UBAP2: variants seen among roughly 807,000 people sequenced by gnomAD.
UBAP2 encodes ubiquitin associated protein 2.
A neutral mutation model predicts 139.6 loss-of-function variants in UBAP2; 75 were observed. That is an observed-to-expected ratio of 0.54 (90% CI 0.45 to 0.65). The LOEUF is 0.65. Among genes scored for constraint, UBAP2 ranks in the 30% least tolerant of loss-of-function variants. The probability of loss-of-function intolerance (pLI) is 0.00; values close to 1 mark genes in which losing one functional copy is unlikely to be tolerated. For synonymous variants in UBAP2, 526 were observed against 526.2 expected (o/e 1.00, Z 0.01); for missense variants, 1,368 against 1,369.6 (o/e 1.00, Z 0.02).
chr9:33,976,111 G>GTATTA (rs1255013472), intron 6 of UBAP2, among the ~76,000 whole-genome samples: 2 of 152,046 alleles, frequency 1.3e-5, no homozygotes, highest in Non-Finnish European at 2.9e-5. Flanking sequence ...TCACACAGAG[G>GTATTA]TATTACTGTG....
At chr9:33,942,006 T>C (rs900632905) in intron 15 of UBAP2, 144 bp from the exon 16 acceptor site, 17 of 627,696 alleles carry the variant, frequency 2.7e-5, no homozygotes, top group Admixed American at 1.4e-4. Flanking sequence ...AACTGAGAGA[T>C]AGGGGGACAT....
At chr9:33,952,299 C>T (rs889166777) in intron 12 of UBAP2, among the ~76,000 whole-genome samples, 1 of 152,190 alleles carries the variant, frequency 6.6e-6, no homozygotes, top group African/African-American at 2.4e-5. Flanking sequence ...AAGCAACATT[C>T]TTGTATAAGC....
intron 19 of UBAP2, among the ~76,000 whole-genome samples, chr9:33,931,933 TTAAG>T (rs1824019467): frequency 6.6e-6 from 1 of 152,102 alleles, no homozygotes; most frequent in Non-Finnish European, 1.5e-5. Context: ...CCAGCCTCTC[TTAAG>T]TTTTCATTGC....
At chr9:33,942,276 C>T (rs562381076) in intron 15 of UBAP2, among the ~76,000 whole-genome samples, 251 of 152,098 alleles carry the variant, frequency 1.7e-3, no homozygotes, top group Non-Finnish European at 2.6e-3. Flanking sequence ...CGCGCCACTG[C>T]ACTCCAGCCT....
At position 33,923,253 on chromosome 9, in the gene UBAP2, G is replaced by A; in HGVS notation, c.2937C>T (p.Tyr979=). The A allele has an allele frequency of 6.2e-7, 1 of 1,614,232 alleles. No individual in the cohort carries two copies. The highest frequency in any genetic ancestry group is 8.5e-7 in the Non-Finnish European group (1 of 1,180,028). Reference sequence around the variant, plus strand: ...ATGATCCAGCATAGCCACCTTTGGAGTAGTCTCCTGCTGCTGTCCCCTGGG... The same window carrying A: ...ATGATCCAGCATAGCCACCTTTGGAATAGTCTCCTGCTGCTGTCCCCTGGG... ...DLTQGTAAGD[Y]SKGGYAGSSQ... The change falls in exon 26 of 29, where the codon TAC becomes TAT. Residue 979 remains tyrosine (Y), a synonymous_variant. Coordinates refer to ENST00000379238, the MANE Select transcript of UBAP2 (RefSeq NM_001370062.2).
rs1360865905 is a variant in UBAP2, at chr9:33,971,677, G to A, written c.653C>T (p.Ala218Val). ...CGTKLVVWEAAQNGADEGTEL... is the reference protein window; with the variant it reads ...CGTKLVVWEAVQNGADEGTEL... ...AGTTCCCTCATCTGCACCATTCTGA[G>A]CAGCTTCCCAAACTACTAGCTTTGT... is the stretch of plus-strand genomic sequence containing the variant. The change falls in exon 8 of 29, where the codon GCT becomes GTT. Residue 218 changes from alanine to valine, a missense_variant. Transcript: ENST00000379238. 6.2e-7 allele frequency: 1 copy of A among 1,611,510 alleles called. No individual in the cohort carries two copies. Among genetic ancestry groups the A allele is most frequent in the South Asian group, 1.1e-5 (1 of 91,036 alleles).
intron 11 of UBAP2, among the ~76,000 whole-genome samples, chr9:33,954,993 C>T (rs1826427644): frequency 6.6e-6 from 1 of 152,124 alleles, no homozygotes; most frequent in African/African-American, 2.4e-5. Flanking sequence ...AATAAATGCT[C>T]TTCAGTCATT....
intron 17 of UBAP2, among the ~76,000 whole-genome samples, chr9:33,934,847 A>T (rs1392498495): frequency 6.6e-6 from 1 of 152,204 alleles, no homozygotes; most frequent in Admixed American, 6.5e-5. Context: ...TCATCCAACA[A>T]GCTCAGAACG....
rs535100790 is a variant in UBAP2 at position 33,966,470 on chromosome 9, T to TA, written c.680-2680dup. On this transcript the variant is annotated intron_variant, in intron 8 of 28. Transcript: ENST00000379238. ...GACTCCATCTCGAAAAAAAATAAAA[T>TA]AAAAAAAAGAATCAAGTTGTCAAAA... 2.2e-3 allele frequency among the ~76,000 whole-genome samples: 337 copies of TA among 151,254 alleles called. 1 individual carries two copies. The highest frequency in any genetic ancestry group is 7.5e-3 in the African/African-American group (309 of 41,228).
chr9:34,016,266 GGAAGAGAAGGAGGAA>G (rs1336238027), intron 2 of UBAP2, among the ~76,000 whole-genome samples: 4 of 29,308 alleles, frequency 1.4e-4, no homozygotes, highest in Non-Finnish European at 2.6e-4. Flanking sequence ...AGGAAGAGGA[GGAAGAGAAGGAGGAA>G]GAGGAGGAGG....
At chr9:34,025,384 T>A (rs529059203) in intron 1 of UBAP2, among the ~76,000 whole-genome samples, 25 of 152,226 alleles carry the variant, frequency 1.6e-4, no homozygotes, top group Non-Finnish European at 3.4e-4. Flanking sequence ...AATAATCCAG[T>A]AGAAACTCAA....
At chr9:33,986,318 G>A (rs553742510) in intron 6 of UBAP2, among the ~76,000 whole-genome samples, 2 of 152,244 alleles carry the variant, frequency 1.3e-5, no homozygotes, top group African/African-American at 4.8e-5. Flanking sequence ...AGAGTAAGAT[G>A]ACTACTTAAC....
chr9:34,003,232 T>C (rs1397567882), intron 2 of UBAP2, among the ~76,000 whole-genome samples: 1 of 151,854 alleles, frequency 6.6e-6, no homozygotes, highest in Non-Finnish European at 1.5e-5. Context: ...GGTTTCACCA[T>C]GTTGGTCAGG....
chr9:34,044,950 T>C (rs1168237908), intron 1 of UBAP2, among the ~76,000 whole-genome samples: 3 of 152,134 alleles, frequency 2.0e-5, no homozygotes, highest in Admixed American at 6.6e-5. Context: ...CCCTATTTCA[T>C]ACTTCAAATC....
At chr9:33,990,468 G>C (rs1821605479) in intron 4 of UBAP2, among the ~76,000 whole-genome samples, 1 of 151,990 alleles carries the variant, frequency 6.6e-6, no homozygotes, top group Admixed American at 6.6e-5. Context: ...ATATAAAATG[G>C]ATATGAAAAA....
chr9:33,963,378 C>T (rs1326034401), intron 9 of UBAP2, among the ~76,000 whole-genome samples: 45 of 152,162 alleles, frequency 3.0e-4, no homozygotes, highest in Admixed American at 2.9e-3. Flanking sequence ...ACCTACACCA[C>T]AAAATATAAC....
intron 2 of UBAP2, among the ~76,000 whole-genome samples, chr9:33,999,436 A>G (rs1260482335): frequency 6.6e-6 from 1 of 152,246 alleles, no homozygotes; most frequent in African/African-American, 2.4e-5. Context: ...ACACAGGCTT[A>G]GAACTTTGTG....
At chr9:33,940,494 G>C (rs1259552975) in intron 16 of UBAP2, among the ~76,000 whole-genome samples, 1 of 152,208 alleles carries the variant, frequency 6.6e-6, no homozygotes, top group East Asian at 1.9e-4. Flanking sequence ...AAGGAACAAA[G>C]AGCCCAGTGT....
At chr9:34,046,643 C>CAAA (rs59971755) in intron 1 of UBAP2, among the ~76,000 whole-genome samples, 21 of 122,340 alleles carry the variant, frequency 1.7e-4, no homozygotes, top group East Asian at 4.4e-4. Flanking sequence ...GACTCCATCT[C>CAAA]AAAAAAAAAA....
Sources: allele counts gnomAD v4.1 joint callset (sites outside exome capture counted in the v4.1 genomes callset), GRCh38; gene constraint gnomAD v4.1.1; transcripts MANE v1.5; gene names NCBI Gene and HGNC (gene_info 2026-07-23, HGNC 2026-07-21).